DLGAP1: variants seen among roughly 807,000 people sequenced by gnomAD.
DLGAP1 encodes DLG associated protein 1, also known as disks large-associated protein 1.
Under a neutral mutation model 90.8 loss-of-function variants are expected in DLGAP1, and 11 were observed. The ratio of observed to expected loss-of-function variants is 0.12; its 90% confidence interval spans 0.08 to 0.20. DLGAP1 has a LOEUF of 0.20. DLGAP1 is among the 10% of genes least tolerant of loss of function. The pLI, the probability that DLGAP1 is intolerant of heterozygous loss-of-function variation, is 1.00. For missense variants in DLGAP1, 1,050 were observed against 1,333.8 expected, an observed-to-expected ratio of 0.79 and a Z score of 3.31; for synonymous variants, 558 against 540.7, an observed-to-expected ratio of 1.03 and a Z score of -0.44.
chr18:4,054,044 A>G (rs2075176475), intron 2 of DLGAP1, among the ~76,000 whole-genome samples: 1 of 152,194 alleles, frequency 6.6e-6, no homozygotes, highest in Non-Finnish European at 1.5e-5. Flanking sequence ...ATGAGGGGTG[A>G]GGTCAAAGGG....
chr18:3,743,705 C>CA (rs2063154246), intron 5 of DLGAP1, among the ~76,000 whole-genome samples: 2 of 152,176 alleles, frequency 1.3e-5, no homozygotes, highest in East Asian at 1.9e-4. Context: ...GGCTGGAGTG[C>CA]AGTGGCATGA....
At chr18:3,820,995 T>A (rs933078205) in intron 4 of DLGAP1, among the ~76,000 whole-genome samples, 1 of 152,182 alleles carries the variant, frequency 6.6e-6, no homozygotes, top group Non-Finnish European at 1.5e-5. Flanking sequence ...AAAATTGAGA[T>A]TCAAAAAGGT....
chr18:4,196,959 G>A (rs2077509413), intron 1 of DLGAP1, among the ~76,000 whole-genome samples: 1 of 151,986 alleles, frequency 6.6e-6, no homozygotes, highest in South Asian at 2.1e-4. Context: ...GATCACCAGA[G>A]GTCAGGAGTT....
intron 3 of DLGAP1, among the ~76,000 whole-genome samples, chr18:3,886,274 T>G (rs573369713): frequency 1.1e-4 from 16 of 152,282 alleles, no homozygotes; most frequent in African/African-American, 3.6e-4. Context: ...TCCTAAAAAT[T>G]TCTTTTTTGA....
At chr18:3,509,396 C>G (rs1360943561) in intron 10 of DLGAP1, among the ~76,000 whole-genome samples, 1 of 152,194 alleles carries the variant, frequency 6.6e-6, no homozygotes, top group African/African-American at 2.4e-5. Flanking sequence ...TCTTGTCTCC[C>G]CAGCAGTCTA....
intron 1 of DLGAP1, among the ~76,000 whole-genome samples, chr18:4,432,598 G>GTGTGTA (rs1567918290): frequency 6.6e-6 from 1 of 151,156 alleles, no homozygotes; most frequent in Non-Finnish European, 1.5e-5. Context: ...TAGTGTGTGT[G>GTGTGTA]TGTGTGTGTG....
chr18:4,106,031 CAAAAAAAAAAAAAAA>C (rs60176243), intron 2 of DLGAP1, among the ~76,000 whole-genome samples: 1 of 102,236 alleles, frequency 9.8e-6, no homozygotes. Flanking sequence ...GGGTCCGTCT[CAAAAAAAAAAAAAAA>C]AAAAAAAAAA....
At chr18:4,291,719 ATTG>A (rs1598828889) in intron 1 of DLGAP1, among the ~76,000 whole-genome samples, 1 of 152,174 alleles carries the variant, frequency 6.6e-6, no homozygotes, top group South Asian at 2.1e-4. Context: ...TATTGTGTTT[ATTG>A]TTAAAATTTC....
At chr18:3,867,256 G>A (rs1048153980) in intron 4 of DLGAP1, among the ~76,000 whole-genome samples, 4 of 152,030 alleles carry the variant, frequency 2.6e-5, no homozygotes, top group Non-Finnish European at 4.4e-5. Flanking sequence ...GCTTTTCCCC[G>A]CCTCTCTCCA....
intron 4 of DLGAP1, among the ~76,000 whole-genome samples, chr18:3,869,446 C>T (rs967947654): frequency 3.3e-5 from 5 of 152,156 alleles, no homozygotes; most frequent in East Asian, 1.9e-4. Context: ...GTCCCAGCTA[C>T]GCTGAAGGGT....
At chr18:4,422,552 A>G (rs2083064114) in intron 1 of DLGAP1, among the ~76,000 whole-genome samples, 2 of 152,022 alleles carry the variant, frequency 1.3e-5, no homozygotes, top group South Asian at 4.1e-4. Context: ...TCTTCAAAGT[A>G]CATTTATAAT....
intron 7 of DLGAP1, among the ~76,000 whole-genome samples, chr18:3,639,359 GAGAAA>G (rs199859623): frequency 0.066 from 8,979 of 136,558 alleles, 340 homozygotes; most frequent in South Asian, 0.091. Flanking sequence ...ATCTCAAAAA[GAGAAA>G]AGAAAAGAAA....
chr18:3,627,691 T>C (rs955597137), intron 7 of DLGAP1, among the ~76,000 whole-genome samples: 1 of 151,752 alleles, frequency 6.6e-6, no homozygotes, highest in African/African-American at 2.4e-5. Context: ...GATGGGGTCT[T>C]CCTCTGTTGC....
intron 1 of DLGAP1, among the ~76,000 whole-genome samples, chr18:4,201,707 AAAAACATATG>A (rs1397927033): frequency 1.3e-5 from 2 of 152,170 alleles, no homozygotes; most frequent in Non-Finnish European, 2.9e-5. Context: ...CAAATGGCCA[AAAAACATATG>A]AAAACATGCT....
chr18:3,746,870 G>A (rs9962409), intron 5 of DLGAP1, among the ~76,000 whole-genome samples: 3 of 152,070 alleles, frequency 2.0e-5, no homozygotes, highest in Non-Finnish European at 4.4e-5. Context: ...CATTGTGTAC[G>A]ATTGCATCTA....
At chr18:4,362,301 T>C (rs1398943280) in intron 1 of DLGAP1, among the ~76,000 whole-genome samples, 1 of 152,182 alleles carries the variant, frequency 6.6e-6, no homozygotes, top group East Asian at 1.9e-4. Context: ...ACAGCAGAAT[T>C]ATTCACAATA....
At chr18:4,097,843 C>T (rs1198749898) in intron 2 of DLGAP1, among the ~76,000 whole-genome samples, 2 of 152,186 alleles carry the variant, frequency 1.3e-5, no homozygotes, top group Admixed American at 6.5e-5. Flanking sequence ...TATTTTTCTA[C>T]GAAGGAGGAA....
intron 7 of DLGAP1, among the ~76,000 whole-genome samples, chr18:3,650,884 T>C (rs1189825377): frequency 4.0e-5 from 6 of 150,714 alleles, no homozygotes; most frequent in Non-Finnish European, 7.4e-5. Flanking sequence ...CTGGCCAACA[T>C]GGTGAAACCC....
At chr18:3,676,814 T>C (rs2060320331) in intron 7 of DLGAP1, among the ~76,000 whole-genome samples, 1 of 152,106 alleles carries the variant, frequency 6.6e-6, no homozygotes, top group Non-Finnish European at 1.5e-5. Flanking sequence ...AAATCCCAAA[T>C]TCAACAGGGT....
Sources: gnomAD v4.1 joint callset for allele counts (sites outside exome capture counted in the v4.1 genomes callset) on GRCh38, gnomAD v4.1.1 for gene constraint, MANE v1.5 for transcripts, NCBI Gene and HGNC (gene_info 2026-07-23, HGNC 2026-07-21) for gene names.